The following CAMTA1 variants were observed in gnomAD, a reference collection of about 807,000 sequenced individuals.
The protein encoded by CAMTA1 is calmodulin binding transcription activator 1.
Under a neutral mutation model 170.9 loss-of-function variants are expected in CAMTA1, and 27 were observed. The observed-to-expected ratio is 0.16, with a 90% CI of 0.12 to 0.22. The LOEUF is 0.22. Ranked by LOEUF, CAMTA1 falls within the 10% of genes least tolerant of loss-of-function variation. The pLI, the probability that CAMTA1 is intolerant of heterozygous loss-of-function variation, is 1.00. For synonymous variants in CAMTA1, 833 were observed against 891.5 expected (o/e 0.93, Z 1.17); for missense variants, 1,619 against 2,217.2 (o/e 0.73, Z 5.42).
intron 3 of CAMTA1, among the ~76,000 whole-genome samples, chr1:7,003,031 A>G (rs1698466939): frequency 6.6e-6 from 1 of 152,220 alleles, no homozygotes; most frequent in Admixed American, 6.5e-5. Flanking sequence ...CCTTGGCACT[A>G]TTCACATTCT....
chr1:6,818,764 C>G (rs1275312337), intron 1 of CAMTA1, among the ~76,000 whole-genome samples: 1 of 152,100 alleles, frequency 6.6e-6, no homozygotes, highest in African/African-American at 2.4e-5. Flanking sequence ...TCAGTCCCCC[C>G]AGGTATCTGG....
intron 11 of CAMTA1, chr1:7,694,444 G>A (rs1274129527): frequency 6.6e-6 from 1 of 152,184 alleles, no homozygotes; most frequent in Non-Finnish European, 1.5e-5. Context: ...GAAATTAAAT[G>A]ACAAATTCCA....
chr1:7,457,449 C>T (rs537109415), intron 5 of CAMTA1, among the ~76,000 whole-genome samples: 3 of 152,126 alleles, frequency 2.0e-5, no homozygotes, highest in Non-Finnish European at 4.4e-5. Flanking sequence ...GGCAGAGGCA[C>T]GGGTGCCAGC....
intron 3 of CAMTA1, among the ~76,000 whole-genome samples, chr1:6,903,651 A>T (rs928126867): frequency 6.6e-6 from 1 of 152,178 alleles, no homozygotes; most frequent in Non-Finnish European, 1.5e-5. Flanking sequence ...CATGTTTCTG[A>T]CCCTGGGTCC....
intron 7 of CAMTA1, among the ~76,000 whole-genome samples, chr1:7,659,985 G>T (rs893098707): frequency 7.2e-5 from 11 of 152,088 alleles, no homozygotes; most frequent in South Asian, 4.2e-4. Context: ...CTCAGACCAG[G>T]TACACACCTA....
At chr1:7,676,212 C>T (rs986338559) in intron 10 of CAMTA1, among the ~76,000 whole-genome samples, 13 of 152,354 alleles carry the variant, frequency 8.5e-5, no homozygotes, top group Middle Eastern at 3.4e-3. Context: ...GCCAACAGAG[C>T]CATAGCAGGT....
chr1:7,301,278 G>A (rs11120896), intron 5 of CAMTA1, among the ~76,000 whole-genome samples: 41,967 of 152,218 alleles, frequency 0.28, 6,137 homozygotes, highest in South Asian at 0.41. Context: ...GCGGTATTGC[G>A]AGAGGTGTAG....
chr1:7,475,340 G>C lies in CAMTA1; in HGVS notation c.510+7439G>C, dbSNP rs528203542. Among the ~76,000 whole-genome samples the C allele has an allele frequency of 6.6e-5, 10 of 151,862 alleles. No individual in the cohort carries two copies. The South Asian group carries it at 1.0e-3, about 16-fold the overall frequency. ...CGGCTCCCACCAAATGAGGCTTGGCGGGGGGGATTAGAGCAACAGGAGGCC... is the reference window on the plus strand; with the variant it reads ...CGGCTCCCACCAAATGAGGCTTGGCCGGGGGGATTAGAGCAACAGGAGGCC... On this transcript the variant is annotated intron_variant, in intron 6 of 22. Coordinates refer to ENST00000303635, the MANE Select transcript of CAMTA1 (RefSeq NM_015215.4).
In CAMTA1 at chr1:7,435,516, C is replaced by T. The variant is rs1039043889; in HGVS notation, c.439-32314C>T. The stretch of plus-strand genomic sequence containing the variant: ...TTGGGTCATCATCCCCTCTGTTACC[C>T]TGAAGAGAGCAACCGGCAGTGGGCT... On this transcript the variant is annotated intron_variant, in intron 5 of 22. Transcript: ENST00000303635. The surrounding 1 kb of genome is among the most constrained non-coding windows in gnomAD (Gnocchi z 4.4). Among the ~76,000 whole-genome samples the T allele has an allele frequency of 3.3e-5, 5 of 152,218 alleles. No homozygotes were observed. The highest frequency in any genetic ancestry group is 1.2e-4 in the African/African-American group (5 of 41,462).
At chr1:7,701,307 A>C (rs1335469770) in intron 11 of CAMTA1, among the ~76,000 whole-genome samples, 1 of 152,226 alleles carries the variant, frequency 6.6e-6, no homozygotes, top group Non-Finnish European at 1.5e-5. Context: ...ACAGGCATCC[A>C]ACAGACTGAA....
chr1:7,428,400 CA>C (rs2091976825), intron 5 of CAMTA1, among the ~76,000 whole-genome samples: 1 of 151,720 alleles, frequency 6.6e-6, no homozygotes, highest in South Asian at 2.1e-4. Context: ...GAGATGGAGG[CA>C]CACCTTGCTG....
intron 3 of CAMTA1, among the ~76,000 whole-genome samples, chr1:7,088,305 T>G (rs1489126704): frequency 6.6e-6 from 1 of 152,054 alleles, no homozygotes; most frequent in Non-Finnish European, 1.5e-5. Context: ...AGTTCTTACA[T>G]CAGCGTGATT....
chr1:7,382,129 G>A (rs1440604996), intron 5 of CAMTA1, among the ~76,000 whole-genome samples: 2 of 152,164 alleles, frequency 1.3e-5, no homozygotes, highest in East Asian at 1.9e-4. Flanking sequence ...TATCCTACTG[G>A]CCAGAATGCA....
At chr1:7,636,108 A>G (rs900899933) in intron 6 of CAMTA1, among the ~76,000 whole-genome samples, 3 of 152,168 alleles carry the variant, frequency 2.0e-5, no homozygotes, top group African/African-American at 7.2e-5. Flanking sequence ...GTATCAAAAC[A>G]AGGGAGAAAG....
intron 5 of CAMTA1, among the ~76,000 whole-genome samples, chr1:7,304,529 A>C (rs1408614911): frequency 6.6e-6 from 1 of 151,852 alleles, no homozygotes; most frequent in African/African-American, 2.4e-5. Context: ...ATTAAATTAC[A>C]TTCCAGCTAA....
At chr1:7,082,438 G>A (rs891173965) in intron 3 of CAMTA1, among the ~76,000 whole-genome samples, 1 of 91,218 alleles carries the variant, frequency 1.1e-5, no homozygotes, top group Non-Finnish European at 2.3e-5. Flanking sequence ...ACTGCATCTC[G>A]AAATAGATAG....
chr1:7,524,797 G>A (rs1022286300), intron 6 of CAMTA1, among the ~76,000 whole-genome samples: 1 of 152,020 alleles, frequency 6.6e-6, no homozygotes, highest in African/African-American at 2.4e-5. Flanking sequence ...GGGCCCGGTG[G>A]GTAAGGGGTC....
intron 4 of CAMTA1, among the ~76,000 whole-genome samples, chr1:7,097,560 G>A (rs1642224892): frequency 6.6e-6 from 1 of 152,204 alleles, no homozygotes; most frequent in Non-Finnish European, 1.5e-5. Context: ...CACCTTTAAG[G>A]CATCTGCTCT....
intron 3 of CAMTA1, among the ~76,000 whole-genome samples, chr1:7,086,526 C>T (rs1640766518): frequency 6.6e-6 from 1 of 152,180 alleles, no homozygotes. Flanking sequence ...ACATTTTCAT[C>T]ACCCCAGAAG....
Sources: allele counts gnomAD v4.1 joint callset (sites outside exome capture counted in the v4.1 genomes callset), GRCh38; gene constraint gnomAD v4.1.1; non-coding constraint Gnocchi (gnomAD v3.1); transcripts MANE v1.5; gene names NCBI Gene and HGNC (gene_info 2026-07-23, HGNC 2026-07-21).